Variants in CSMD1 observed in about 807,000 individuals in gnomAD.
CSMD1 encodes the protein CUB and Sushi multiple domains 1.
A neutral mutation model predicts 417.5 loss-of-function variants in CSMD1; 213 were observed. The observed-to-expected ratio is 0.51, with a 90% confidence interval of 0.46 to 0.57. CSMD1 has a LOEUF of 0.57. CSMD1 is among the 20% of genes least tolerant of loss of function. The pLI is 0.00. For synonymous variants in CSMD1, 2,862 were observed against 1,736.8 expected (o/e 1.65, Z -16.11); for missense variants, 6,923 against 4,529.7 (o/e 1.53, Z -15.17).
intron 2 of CSMD1, among the ~76,000 whole-genome samples, chr8:4,627,031 C>T (rs1396444924): frequency 1.3e-5 from 2 of 151,980 alleles, no homozygotes; most frequent in Admixed American, 6.6e-5. Context: ...TATTATATTC[C>T]TTTTTTAAAT....
intron 2 of CSMD1, among the ~76,000 whole-genome samples, chr8:4,451,399 G>C (rs925900446): frequency 6.6e-6 from 1 of 152,154 alleles, no homozygotes; most frequent in African/African-American, 2.4e-5. Context: ...TATTGAACAT[G>C]TGCTATGATC....
At chr8:3,675,547 G>A (rs959919295) in intron 7 of CSMD1, among the ~76,000 whole-genome samples, 1 of 152,036 alleles carries the variant, frequency 6.6e-6, no homozygotes, top group African/African-American at 2.4e-5. Flanking sequence ...TGGAAGTGAT[G>A]CTTTCAGGAA....
At chr8:4,114,637 G>C (rs1432391840) in intron 3 of CSMD1, among the ~76,000 whole-genome samples, 1 of 152,184 alleles carries the variant, frequency 6.6e-6, no homozygotes, top group Non-Finnish European at 1.5e-5. Context: ...AAACCTTCTG[G>C]AAAGGATTAT....
intron 1 of CSMD1, among the ~76,000 whole-genome samples, chr8:4,732,085 G>C (rs957144309): frequency 1.8e-4 from 28 of 152,132 alleles, no homozygotes; most frequent in African/African-American, 6.0e-4. Context: ...CTTTCCAACA[G>C]TCCCGCATCC....
Position 3,398,144 on chromosome 8 carries a change from A to T in CSMD1, c.2405+1247T>A, listed in dbSNP as rs185959230. Reference sequence around the variant, plus strand: ...AGGGCTAATAGACTGGCCAGAGAAGAATATAGGATCACTACTTTTACTAAA... The same window carrying T: ...AGGGCTAATAGACTGGCCAGAGAAGTATATAGGATCACTACTTTTACTAAA... On this transcript the variant is annotated intron_variant, in intron 16 of 69. Transcript: ENST00000635120. Among the ~76,000 whole-genome samples, 17 of 152,296 alleles carry T rather than the reference A, an allele frequency of 1.1e-4. No individual in the cohort carries two copies. In the East Asian group the frequency reaches 3.3e-3, roughly 29 times the overall value.
At chr8:4,311,962 C>G (rs1585209114) in intron 3 of CSMD1, among the ~76,000 whole-genome samples, 1 of 151,980 alleles carries the variant, frequency 6.6e-6, no homozygotes, top group African/African-American at 2.4e-5. Flanking sequence ...AAACCTGAAA[C>G]TTAGAAAACA....
chr8:3,465,613 G>A (rs571988966), intron 12 of CSMD1, among the ~76,000 whole-genome samples: 3 of 152,118 alleles, frequency 2.0e-5, no homozygotes, highest in African/African-American at 7.2e-5. Context: ...AGTGTGATCC[G>A]AAGATTTGAG....
intron 2 of CSMD1, among the ~76,000 whole-genome samples, chr8:4,582,265 C>G (rs1336339586): frequency 2.0e-5 from 3 of 152,042 alleles, no homozygotes. Flanking sequence ...AAAATGGTCC[C>G]GGACATGATC....
rs556304192 is a variant in CSMD1, at chr8:3,155,359, A to ATTTTTTTTTTTTTTTTTTTTTTTTTTT, written c.5914+2537_5914+2538insAAAAAAAAAAAAAAAAAAAAAAAAAAA. Among the ~76,000 whole-genome samples the ATTTTTTTTTTTTTTTTTTTTTTTTTTT allele has an allele frequency of 1.8e-3, 78 of 43,320 alleles. 29 individuals are homozygous for ATTTTTTTTTTTTTTTTTTTTTTTTTTT. The highest frequency in any genetic ancestry group is 2.8e-3 in the Non-Finnish European group (60 of 21,376). 28.4% of individuals were successfully genotyped at this position (43,320 alleles called of 152,430 possible). ...TTTTTCCTTCCAAATCAAGGCTGGG[A>ATTTTTTTTTTTTTTTTTTTTTTTTTTT]TTTTTTTTTTTTTTTTTTTTTTTTT... On this transcript the variant is annotated intron_variant, in intron 39 of 69. Coordinates refer to ENST00000635120, the MANE Select transcript of CSMD1 (RefSeq NM_033225.6).
intron 1 of CSMD1, among the ~76,000 whole-genome samples, chr8:4,893,559 TGAC>T (rs1804273841): frequency 6.6e-6 from 1 of 152,162 alleles, no homozygotes; most frequent in African/African-American, 2.4e-5. Flanking sequence ...CAAACCCAGA[TGAC>T]AATTCTTTTG....
intron 32 of CSMD1, among the ~76,000 whole-genome samples, chr8:3,200,575 A>G (rs894835693): frequency 1.3e-5 from 2 of 150,816 alleles, no homozygotes; most frequent in African/African-American, 2.4e-5. Flanking sequence ...AAATAATAAT[A>G]ATAATAATAA....
intron 1 of CSMD1, among the ~76,000 whole-genome samples, chr8:4,863,642 G>C (rs1028584631): frequency 4.0e-5 from 6 of 151,870 alleles, no homozygotes; most frequent in Non-Finnish European, 8.8e-5. Context: ...CCACCCAGGG[G>C]ACACAGCAAG....
At chr8:4,524,112 C>G (rs553064392) in intron 2 of CSMD1, among the ~76,000 whole-genome samples, 2 of 151,976 alleles carry the variant, frequency 1.3e-5, no homozygotes, top group South Asian at 2.1e-4. Flanking sequence ...AAAAAACTCC[C>G]CAGGCATTGA....
chr8:3,346,120 A>G (rs1293072664), intron 22 of CSMD1, among the ~76,000 whole-genome samples: 4 of 152,238 alleles, frequency 2.6e-5, no homozygotes, highest in Admixed American at 2.0e-4. Flanking sequence ...ATTTTTTAGC[A>G]TATTTAACAA....
chr8:4,260,723 TATA>T (rs1803820974), intron 3 of CSMD1, among the ~76,000 whole-genome samples: 1 of 152,218 alleles, frequency 6.6e-6, no homozygotes, highest in African/African-American at 2.4e-5. Flanking sequence ...AATATCTTCT[TATA>T]ATATTATCAT....
At chr8:3,249,175 C>T (rs1459779022) in intron 26 of CSMD1, among the ~76,000 whole-genome samples, 1 of 152,124 alleles carries the variant, frequency 6.6e-6, no homozygotes, top group Non-Finnish European at 1.5e-5. Flanking sequence ...CATGATGTAA[C>T]AAACGATATG....
At chr8:3,976,911 T>A (rs766581480) in intron 5 of CSMD1, among the ~76,000 whole-genome samples, 1 of 152,192 alleles carries the variant, frequency 6.6e-6, no homozygotes, top group African/African-American at 2.4e-5. Context: ...AAATGACTTG[T>A]TAGCCATTTA....
intron 7 of CSMD1, among the ~76,000 whole-genome samples, chr8:3,654,354 A>G (rs1055565332): frequency 1.3e-5 from 2 of 152,216 alleles, no homozygotes; most frequent in African/African-American, 4.8e-5. Context: ...TTGATGTCAC[A>G]TTGAAATCAG....
At chr8:4,694,834 G>C (rs181639081) in intron 1 of CSMD1, among the ~76,000 whole-genome samples, 7 of 151,998 alleles carry the variant, frequency 4.6e-5, no homozygotes, top group Non-Finnish European at 7.4e-5. Flanking sequence ...ACCGAGACCT[G>C]TCTCAGATAT....
Sources: gnomAD v4.1 joint callset for allele counts (sites outside exome capture counted in the v4.1 genomes callset) on GRCh38, gnomAD v4.1.1 for gene constraint, MANE v1.5 for transcripts, NCBI Gene and HGNC (gene_info 2026-07-23, HGNC 2026-07-21) for gene names.